The following UBE2E3 variants were observed in gnomAD, a reference collection of about 807,000 sequenced individuals.
UBE2E3 encodes ubiquitin-conjugating enzyme E2 E3.
Under a neutral mutation model 23.6 loss-of-function variants are expected in UBE2E3, and 5 were observed. That is an observed-to-expected ratio of 0.21 (90% CI 0.11 to 0.44). The LOEUF is 0.44. Ranked by LOEUF, UBE2E3 falls within the 20% of genes least tolerant of loss-of-function variation. The pLI is 0.99. For synonymous variants in UBE2E3, 78 were observed against 87.5 expected (o/e 0.89, Z 0.60); for missense variants, 81 against 249.8 (o/e 0.32, Z 4.55).
chr2:181,001,144 A>G lies in UBE2E3; in HGVS notation c.245+17051A>G, dbSNP rs183999240. 3.0e-3 allele frequency among the ~76,000 whole-genome samples: 460 copies of G among 152,320 alleles called. 4 individuals carry two copies. The highest frequency in any genetic ancestry group is 0.011 in the African/African-American group (442 of 41,564). ...AACCTGTTGAAAGTTTTGAACCACT[A>G]CTTCAGAAGAATGCTTAAGAATTTT... On this transcript the variant is annotated intron_variant, in intron 3 of 5. Coordinates refer to ENST00000410062, the MANE Select transcript of UBE2E3 (RefSeq NM_006357.4).
At chr2:181,045,626 C>G (rs889228825) in intron 3 of UBE2E3, among the ~76,000 whole-genome samples, 2 of 152,136 alleles carry the variant, frequency 1.3e-5, no homozygotes, top group Admixed American at 6.6e-5. Flanking sequence ...ATCAGAATCT[C>G]TAGGGGTGGG....
intron 3 of UBE2E3, among the ~76,000 whole-genome samples, chr2:181,002,406 C>T (rs1559117320): frequency 6.6e-6 from 1 of 152,074 alleles, no homozygotes; most frequent in Non-Finnish European, 1.5e-5. Context: ...TTTAAGCTGG[C>T]AGATACCTAT....
At chr2:181,045,372 G>A (rs1444931511) in intron 3 of UBE2E3, among the ~76,000 whole-genome samples, 7 of 152,186 alleles carry the variant, frequency 4.6e-5, no homozygotes, top group African/African-American at 7.2e-5. Context: ...ATGTTAATGA[G>A]TTTTGGCAAA....
chr2:181,033,984 C>T (rs1160347200), intron 3 of UBE2E3, among the ~76,000 whole-genome samples: 2 of 152,146 alleles, frequency 1.3e-5, no homozygotes, highest in Admixed American at 1.3e-4. Flanking sequence ...GAGATACCAT[C>T]TCACACCAGT....
intron 3 of UBE2E3, among the ~76,000 whole-genome samples, chr2:181,025,425 T>C (rs1036089552): frequency 6.6e-6 from 1 of 151,956 alleles, no homozygotes; most frequent in Non-Finnish European, 1.5e-5. Context: ...ACAGTTTATG[T>C]TAAAATACAT....
At chr2:181,013,601 CCATGTAA>C (rs1176107912) in intron 3 of UBE2E3, among the ~76,000 whole-genome samples, 1 of 151,752 alleles carries the variant, frequency 6.6e-6, no homozygotes, top group Non-Finnish European at 1.5e-5. Flanking sequence ...GATGACATTT[CCATGTAA>C]CCTGGACTTC....
At chr2:181,041,446 A>AG (rs1686501369) in intron 3 of UBE2E3, among the ~76,000 whole-genome samples, 1 of 140,250 alleles carries the variant, frequency 7.1e-6, no homozygotes, top group African/African-American at 2.5e-5. Context: ...CAACATAAGG[A>AG]ATTTTTTTTT....
chr2:180,987,421 A>G (rs1684515011), intron 3 of UBE2E3: 3 of 1,548,816 alleles, frequency 1.9e-6, no homozygotes, highest in Non-Finnish European at 2.6e-6. Context: ...TTAACCCCTA[A>G]TTTCTTTCCA....
chr2:181,015,804 AT>A (rs531829671), intron 3 of UBE2E3, among the ~76,000 whole-genome samples: 112 of 152,274 alleles, frequency 7.4e-4, no homozygotes, highest in African/African-American at 2.7e-3. Context: ...AAATGATTAC[AT>A]GGTCCTTGTT....
At chr2:181,060,350 T>TAC (rs112871044) in intron 4 of UBE2E3, among the ~76,000 whole-genome samples, 21 of 151,872 alleles carry the variant, frequency 1.4e-4, no homozygotes, top group African/African-American at 4.3e-4. Flanking sequence ...TATGTATGTG[T>TAC]ACACACACAG....
chr2:181,034,666 TAAAGTA>T (rs1294165782), intron 3 of UBE2E3, among the ~76,000 whole-genome samples: 1 of 147,540 alleles, frequency 6.8e-6, no homozygotes, highest in East Asian at 1.9e-4. Context: ...CCCTAGAACT[TAAAGTA>T]TAATAAAAAA....
intron 3 of UBE2E3, among the ~76,000 whole-genome samples, chr2:181,027,982 C>A (rs1377333793): frequency 1.3e-5 from 2 of 151,948 alleles, no homozygotes; most frequent in East Asian, 3.8e-4. Flanking sequence ...ATCATTGAAT[C>A]TCTATATGTT....
intron 3 of UBE2E3, among the ~76,000 whole-genome samples, chr2:181,011,241 C>G (rs1685317831): frequency 1.3e-5 from 2 of 151,858 alleles, no homozygotes; most frequent in Non-Finnish European, 1.5e-5. Context: ...CTAGAAAATC[C>G]AATATCAGGG....
rs1267722616 is a variant in UBE2E3, at chr2:180,981,096, C to T, written c.-26+123C>T. The T allele has an allele frequency of 4.8e-5, 7 of 145,484 alleles. No individual in the cohort carries two copies. In the South Asian group the frequency reaches 6.0e-4, roughly 12 times the overall value. 9.0% of individuals were successfully genotyped at this position (145,484 alleles called of 1,614,324 possible). ...GCCCGCGTCGCCGGTGTCCGCGAGC[C>T]GCGGCGGGGCCGGCTGGGCTGCTCG... On this transcript the variant is annotated intron_variant, in intron 1 of 5. Transcript: ENST00000410062.
At chr2:181,062,142 A>G (rs191652744) in intron 5 of UBE2E3, among the ~76,000 whole-genome samples, 21 of 151,770 alleles carry the variant, frequency 1.4e-4, no homozygotes, top group African/African-American at 5.1e-4. Context: ...AGGGAAAGAA[A>G]CTTCTGAGCA....
At chr2:180,989,479 T>C (rs1340366557) in intron 3 of UBE2E3, among the ~76,000 whole-genome samples, 1 of 152,196 alleles carries the variant, frequency 6.6e-6, no homozygotes, top group Non-Finnish European at 1.5e-5. Flanking sequence ...ATAATTATGA[T>C]ACTTAATATT....
At chr2:180,987,430 C>A in intron 3 of UBE2E3, 1 of 1,547,464 alleles carries the variant, frequency 6.5e-7, no homozygotes, top group South Asian at 1.2e-5. Context: ...AATTTCTTTC[C>A]ATATAGGAAG....
chr2:181,060,620 A>G (rs1687122712), intron 4 of UBE2E3, 45 bp from the exon 5 acceptor site: 1 of 1,528,924 alleles, frequency 6.5e-7, no homozygotes, highest in South Asian at 1.3e-5. Flanking sequence ...TTAATTGGTA[A>G]TACAGCATTC....
chr2:181,038,799 T>G (rs1462206152), intron 3 of UBE2E3, among the ~76,000 whole-genome samples: 1 of 152,210 alleles, frequency 6.6e-6, no homozygotes, highest in Non-Finnish European at 1.5e-5. Context: ...ATGTTACTGA[T>G]GAAGCTGTAT....
Sources: allele counts gnomAD v4.1 joint callset (sites outside exome capture counted in the v4.1 genomes callset), GRCh38; gene constraint gnomAD v4.1.1; transcripts MANE v1.5; gene names NCBI Gene and HGNC (gene_info 2026-07-23, HGNC 2026-07-21).